PPP6R2: variants seen among roughly 807,000 people sequenced by gnomAD.
PPP6R2 encodes serine/threonine-protein phosphatase 6 regulatory subunit 2.
PPP6R2 carries 62 observed loss-of-function variants against 100.2 expected under a neutral mutation model. That is an observed-to-expected ratio of 0.62 (90% CI 0.50 to 0.76). The LOEUF is 0.76. Ranked by LOEUF, PPP6R2 falls within the 30% of genes least tolerant of loss-of-function variation. The pLI is 0.00. For synonymous variants in PPP6R2, 525 were observed against 514.7 expected, an observed-to-expected ratio of 1.02 and a Z score of -0.27; for missense variants, 1,142 against 1,276.3, an observed-to-expected ratio of 0.89 and a Z score of 1.60.
rs1569493867 is a variant in PPP6R2, at chr22:50,438,233, TGAG to T, written c.1902_1904del (p.Glu634del). On this transcript the variant is annotated inframe_deletion, in exon 18 of 24. Coordinates refer to ENST00000612753, the MANE Select transcript of PPP6R2 (RefSeq NM_001242898.2). ...ACCGCATCCAGCCCTTTGATGATGA[TGAG>T]GACGAGGACATCTGGGAGGACAGTG... The T allele has an allele frequency of 1.9e-6, 3 of 1,613,856 alleles. No homozygotes were observed. Among genetic ancestry groups the T allele is most frequent in the South Asian group, 1.1e-5 (1 of 91,076 alleles).
intron 4 of PPP6R2, among the ~76,000 whole-genome samples, chr22:50,412,996 T>C (rs2059985602): frequency 1.4e-5 from 2 of 147,734 alleles, no homozygotes; most frequent in African/African-American, 5.0e-5. Flanking sequence ...GTTTTGCTCT[T>C]GTTGCCCAGG....
rs1285843500 is a variant in PPP6R2, at chr22:50,349,815, TA to T, written c.-148+6279del. Among the ~76,000 whole-genome samples, 366 of 115,374 alleles carry T rather than the reference TA, an allele frequency of 3.2e-3. 2 individuals are homozygous for T. The highest frequency in any genetic ancestry group is 9.6e-3 in the African/African-American group (257 of 26,786). The allele number at this position is 115,374 out of a possible 152,430, so 75.7% of individuals were successfully genotyped here. A position where few individuals can be genotyped will look rare whatever the true frequency, so the allele number is the denominator to read the frequency against. On this transcript the variant is annotated intron_variant, in intron 1 of 23. Coordinates refer to ENST00000612753, the MANE Select transcript of PPP6R2 (RefSeq NM_001242898.2). ...GGGCAACAAGAGTGAAACTCCATCT[TA>T]AAAAAAAAAAAAACAGAAAAAAGCA...
intron 22 of PPP6R2, 150 bp from the exon 23 acceptor site, chr22:50,443,716 G>A: frequency 1.7e-6 from 2 of 1,149,776 alleles, no homozygotes; most frequent in Non-Finnish European, 2.4e-6. Flanking sequence ...GGCACAACCT[G>A]GGCCACCCCA....
At chr22:50,437,641 C>A (rs761175330) in intron 16 of PPP6R2, 38 bp downstream of exon 16, 1 of 1,533,104 alleles carries the variant, frequency 6.5e-7, no homozygotes, top group Non-Finnish European at 9.0e-7. Context: ...CGAGGCGCGG[C>A]TCTCCCTGCT....
chr22:50,388,749 G>A (rs976506733), intron 2 of PPP6R2, among the ~76,000 whole-genome samples: 2 of 152,038 alleles, frequency 1.3e-5, no homozygotes, highest in African/African-American at 4.8e-5. Context: ...GCAGGCACCT[G>A]TAGTCCCAGC....
chr22:50,433,134 C>G (rs1393054298), intron 12 of PPP6R2, among the ~76,000 whole-genome samples: 1 of 152,272 alleles, frequency 6.6e-6, no homozygotes, highest in Non-Finnish European at 1.5e-5. Flanking sequence ...GTGGCAGGTG[C>G]TACTCAAACA....
rs780408073 is a variant in PPP6R2, at chr22:50,441,006, G to C, written c.2559G>C (p.Arg853Ser). ...REAPPLPTVA[R>S]TEEAVGRVGC... ...CCCCCCCGCTGCCCACAGTGGCCAG[G>C]ACAGAGGAGGCTGTCGGCAGGTGTG... Residue 853 changes from arginine (R) to serine (S), a missense_variant, in exon 22 of 24, where the codon AGG (arginine) becomes AGC (serine). This residue lies in a region of PPP6R2 where 550 missense variants were observed against 517.4 expected (regional missense o/e 1.06). Transcript: ENST00000612753. The C allele has an allele frequency of 3.8e-6, 6 of 1,597,038 alleles. No homozygotes were observed. The Admixed American group carries it at 1.0e-4, about 27-fold the overall frequency.
intron 21 of PPP6R2, 128 bp downstream of exon 21, chr22:50,440,177 C>A: frequency 1.2e-6 from 1 of 859,312 alleles, no homozygotes; most frequent in Non-Finnish European, 1.8e-6. Flanking sequence ...TCTCTGGTGA[C>A]ATTGGGGTTT....
Position 50,436,368 on chromosome 22 carries a change from G to C in PPP6R2, c.1518G>C (p.Gly506=), listed in dbSNP as rs780911181. The C allele has an allele frequency of 3.2e-6, 5 of 1,571,290 alleles. No homozygotes were observed. The East Asian group carries it at 6.9e-5, about 22-fold the overall frequency. Reference sequence around the variant, plus strand: ...CACCAGGCAGCACTTCCCTTGCAGGGCTCCCTGCGGACTGCCGTGGCCGCT... The same window carrying C: ...CACCAGGCAGCACTTCCCTTGCAGGCCTCCCTGCGGACTGCCGTGGCCGCT... ...VQTHISEVIR[G]LPADCRGRWE... is the part of the protein sequence containing the mutation. Residue 506 remains glycine (G), a splice_region_variant and synonymous_variant, in exon 14 of 24, where the codon GGG becomes GGC. Transcript: ENST00000612753.
intron 2 of PPP6R2, among the ~76,000 whole-genome samples, chr22:50,381,675 C>T (rs1212478273): frequency 1.3e-5 from 2 of 152,102 alleles, no homozygotes; most frequent in African/African-American, 4.8e-5. Context: ...AATCCCAGCA[C>T]TTTGGGAGGC....
chr22:50,339,374 CGTGTGGTATGTAGTGTGT>C (rs1321816936), upstream of PPP6R2, among the ~76,000 whole-genome samples: 4 of 31,496 alleles, frequency 1.3e-4, no homozygotes, highest in African/African-American at 2.7e-4. Flanking sequence ...GTGTGGCTTG[CGTGTGGTATGTAGTGTGT>C]GTGTGGTATG....
chr22:50,433,066 T>C (rs749845614), intron 12 of PPP6R2, among the ~76,000 whole-genome samples: 7 of 152,274 alleles, frequency 4.6e-5, no homozygotes, highest in Admixed American at 1.3e-4. Flanking sequence ...GCAGTGTCTG[T>C]TTCCTCATCT....
intron 1 of PPP6R2, among the ~76,000 whole-genome samples, chr22:50,351,616 T>C (rs577095594): frequency 2.1e-3 from 317 of 152,030 alleles, no homozygotes; most frequent in African/African-American, 7.5e-3. Flanking sequence ...TATATCAGCA[T>C]TTGCTGTTTT....
At position 50,431,855 on chromosome 22, in the gene PPP6R2, G is replaced by C. The variant is rs2063203751; in HGVS notation, c.1336-410G>C. ...CAGGTACAAGAAGTGATCTGTGTCAGGGCCTGGAGGTGAGAGAAAGTGCTG... is the reference window on the plus strand; with the variant it reads ...CAGGTACAAGAAGTGATCTGTGTCACGGCCTGGAGGTGAGAGAAAGTGCTG... On this transcript the variant is annotated intron_variant, in intron 11 of 23. Transcript: ENST00000612753. The surrounding 1 kb of genome is among the most constrained non-coding windows in gnomAD (Gnocchi z 4.8). 1.3e-5 allele frequency among the ~76,000 whole-genome samples: 2 copies of C among 152,198 alleles called. No individual in the cohort carries two copies. The highest frequency in any genetic ancestry group is 4.1e-4 in the South Asian group (2 of 4,836).
chr22:50,385,484 C>T (rs978675132), intron 2 of PPP6R2, among the ~76,000 whole-genome samples: 23 of 150,936 alleles, frequency 1.5e-4, no homozygotes, highest in Admixed American at 4.0e-4. Flanking sequence ...CAGCATGAGC[C>T]ACCACCCCCA....
At chr22:50,437,484 T>TA in intron 15 of PPP6R2, 22 bp from the exon 16 acceptor site, 17 of 542,040 alleles carry the variant, frequency 3.1e-5, no homozygotes, top group African/African-American at 4.4e-5. Context: ...TGTCCGTCCC[T>TA]CCCTCCCTCC....
chr22:50,396,705 G>T (rs774403362), intron 3 of PPP6R2, among the ~76,000 whole-genome samples: 2 of 152,152 alleles, frequency 1.3e-5, no homozygotes, highest in Non-Finnish European at 2.9e-5. Flanking sequence ...GTCTTAGAAG[G>T]AAGATAAAGC....
At chr22:50,389,383 GGGTGTA>G (rs1297164939) in intron 2 of PPP6R2, among the ~76,000 whole-genome samples, 2 of 152,188 alleles carry the variant, frequency 1.3e-5, no homozygotes, top group African/African-American at 4.8e-5. Context: ...TTGGAGGATA[GGGTGTA>G]GTTGTGCAGA....
Position 50,393,874 on chromosome 22 carries a change from C to G in PPP6R2, c.-16-19C>G, listed in dbSNP as rs548487202. Reference sequence around the variant, plus strand: ...ATTTGCAAGGGTGAGAGACGTGACCCCTTTGCCCTCGTTTGCAGCTCTGCG... The same window carrying G: ...ATTTGCAAGGGTGAGAGACGTGACCGCTTTGCCCTCGTTTGCAGCTCTGCG... On this transcript the variant is annotated intron_variant, in intron 2 of 23. Transcript: ENST00000612753. 1.8e-5 allele frequency: 29 copies of G among 1,613,586 alleles called. No homozygotes were observed. In the African/African-American group the frequency reaches 3.7e-4, roughly 21 times the overall value.
Sources: allele counts gnomAD v4.1 joint callset (sites outside exome capture counted in the v4.1 genomes callset), GRCh38; gene constraint gnomAD v4.1.1; regional missense constraint gnomAD v4.1.1; non-coding constraint Gnocchi (gnomAD v3.1); transcripts MANE v1.5; gene names NCBI Gene and HGNC (gene_info 2026-07-23, HGNC 2026-07-21).